Variants in SLC16A9 observed in about 807,000 individuals in gnomAD.
SLC16A9 encodes the protein solute carrier family 16 member 9.
Under a neutral mutation model 44.3 loss-of-function variants are expected in SLC16A9, and 26 were observed. That is an observed-to-expected ratio of 0.59 (90% CI 0.43 to 0.81). The LOEUF is 0.81. Among genes scored for constraint, SLC16A9 ranks in the 40% least tolerant of loss-of-function variants. The pLI is 0.00. For missense variants in SLC16A9, 559 were observed against 595.8 expected, an observed-to-expected ratio of 0.94 and a Z score of 0.64; for synonymous variants, 230 against 225.1, an observed-to-expected ratio of 1.02 and a Z score of -0.19.
Position 59,654,068 on chromosome 10 carries a change from C to A in SLC16A9, c.958G>T (p.Gly320Trp), listed in dbSNP as rs775661377. 1.2e-6 allele frequency: 2 copies of A among 1,613,906 alleles called. No individual in the cohort carries two copies. Among genetic ancestry groups the A allele is most frequent in the African/African-American group, 1.3e-5 (1 of 74,892 alleles). ...TCCATAAGTAATGAAGGTGGAAACC[C>A]TCCGATGTCAAAGAGTAAGATAGCA... The part of the protein sequence containing the change: ...FIAILLFDIG[G>W]FPPSLLMEDV... Residue 320 changes from glycine (G) to tryptophan (W), a missense_variant, in exon 5 of 6, where the codon GGG becomes TGG. Gly to Trp is a radical substitution (Grantham distance 184, BLOSUM62 -2). Transcript: ENST00000395348.
At chr10:59,653,048 G>GTA (rs1346336852) in intron 5 of SLC16A9, 98 bp from the exon 6 acceptor site, 5 of 826,042 alleles carry the variant, frequency 6.1e-6, no homozygotes, top group African/African-American at 1.8e-5. Flanking sequence ...GTTATAATTA[G>GTA]TATATATATT....
chr10:59,662,633 C>CAAAAAAAAAAAAAA (rs71006278), intron 4 of SLC16A9, among the ~76,000 whole-genome samples: 31 of 43,564 alleles, frequency 7.1e-4, no homozygotes, highest in African/African-American at 1.4e-3. Flanking sequence ...AACTCCATCT[C>CAAAAAAAAAAAAAA]AAAAAAAAAA....
rs369810207 is a variant in SLC16A9, at chr10:59,693,769, G to A, written c.-36-9442C>T. On this transcript the variant is annotated intron_variant, in intron 1 of 5. Coordinates refer to ENST00000395348, the MANE Select transcript of SLC16A9 (RefSeq NM_194298.3). ...CAAGTAGCTGGGGCTACAGGCGCCC[G>A]CCACCACACCCGGCTAATTTTTTTG... 1.5e-4 allele frequency among the ~76,000 whole-genome samples: 22 copies of A among 151,180 alleles called. No individual in the cohort carries two copies. The East Asian group carries it at 3.3e-3, about 23-fold the overall frequency.
rs920406589 is a variant in SLC16A9 at position 59,651,424 on chromosome 10, C to G, written c.*1348G>C. The G allele has an allele frequency of 1.8e-4, 28 of 152,182 alleles. 1 individual carries two copies. The East Asian group carries it at 5.4e-3, about 29-fold the overall frequency. 9.4% of individuals were successfully genotyped at this position (152,182 alleles called of 1,614,324 possible). A position where few individuals can be genotyped will look rare whatever the true frequency, so the allele number is the denominator to read the frequency against. On this transcript the variant is annotated 3_prime_UTR_variant, in exon 6 of 6. Coordinates refer to ENST00000395348, the MANE Select transcript of SLC16A9 (RefSeq NM_194298.3). ...ATTATTTAAAAGAATAAATGTTTTTCCATTGCCAATCTTATAAAAATTCTC... is the reference window on the plus strand; with the variant it reads ...ATTATTTAAAAGAATAAATGTTTTTGCATTGCCAATCTTATAAAAATTCTC...
At chr10:59,662,738 C>T (rs936850013) in intron 4 of SLC16A9, among the ~76,000 whole-genome samples, 3 of 149,356 alleles carry the variant, frequency 2.0e-5, no homozygotes, top group Non-Finnish European at 1.5e-5. Context: ...AAATGCAAAT[C>T]AAAACCACAA....
chr10:59,695,153 G>C (rs572699578), intron 1 of SLC16A9, among the ~76,000 whole-genome samples: 1 of 151,972 alleles, frequency 6.6e-6, no homozygotes, highest in Non-Finnish European at 1.5e-5. Context: ...GGGCTGGGAG[G>C]TTTTGGGGTA....
At chr10:59,696,067 C>T (rs1430679092) in intron 1 of SLC16A9, among the ~76,000 whole-genome samples, 1 of 146,926 alleles carries the variant, frequency 6.8e-6, no homozygotes, top group African/African-American at 2.4e-5. Context: ...TTTTAAAGCC[C>T]TCTCCCCTCT....
chr10:59,667,480 A>AT lies in SLC16A9; in HGVS notation c.341-3159dup, dbSNP rs1839647198. ...TTGTTTTGCTTTGGAAAACAGAGTT[A>AT]TTTTTCATAATAGATATGATATTTA... On this transcript the variant is annotated intron_variant, in intron 3 of 5. Coordinates refer to ENST00000395348, the MANE Select transcript of SLC16A9 (RefSeq NM_194298.3). 2.6e-5 allele frequency among the ~76,000 whole-genome samples: 4 copies of AT among 152,292 alleles called. No homozygotes were observed. In the South Asian group the frequency reaches 8.3e-4, roughly 32 times the overall value.
At chr10:59,653,648 G>A (rs1256758515) in intron 5 of SLC16A9, 27 bp downstream of exon 5, 3 of 1,576,466 alleles carry the variant, frequency 1.9e-6, no homozygotes, top group East Asian at 2.2e-5. Flanking sequence ...ACAGTAAAAT[G>A]GGATGATTTT....
intron 1 of SLC16A9, among the ~76,000 whole-genome samples, chr10:59,688,031 T>C (rs1436327764): frequency 6.6e-6 from 1 of 151,798 alleles, no homozygotes; most frequent in Non-Finnish European, 1.5e-5. Context: ...ACAGCTTACA[T>C]GGCAATGGAT....
chr10:59,691,242 A>T (rs1218353141), intron 1 of SLC16A9, among the ~76,000 whole-genome samples: 2 of 152,188 alleles, frequency 1.3e-5, no homozygotes, highest in Admixed American at 6.5e-5. Flanking sequence ...ATTGTACTAC[A>T]TTCTAGTAAA....
At chr10:59,697,746 AAAAT>A (rs145116462) in intron 1 of SLC16A9, among the ~76,000 whole-genome samples, 159 of 150,430 alleles carry the variant, frequency 1.1e-3, no homozygotes, top group African/African-American at 2.7e-3. Context: ...AATAAAATAA[AAAAT>A]AAATAAATAA....
chr10:59,675,405 C>G (rs1397466756), intron 2 of SLC16A9, among the ~76,000 whole-genome samples: 1 of 152,184 alleles, frequency 6.6e-6, no homozygotes, highest in Non-Finnish European at 1.5e-5. Context: ...CAGACATGAG[C>G]AGGGCAGGAG....
At chr10:59,662,524 A>T (rs1839500653) in intron 4 of SLC16A9, among the ~76,000 whole-genome samples, 1 of 150,470 alleles carries the variant, frequency 6.6e-6, no homozygotes, top group African/African-American at 2.4e-5. Flanking sequence ...AATCCCAGCT[A>T]CTCAGGAAGC....
At chr10:59,670,312 G>A (rs1839716608) in intron 3 of SLC16A9, among the ~76,000 whole-genome samples, 1 of 152,156 alleles carries the variant, frequency 6.6e-6, no homozygotes, top group Non-Finnish European at 1.5e-5. Flanking sequence ...AGCTCAGAGA[G>A]GCTGAATAAT....
At chr10:59,697,595 C>G (rs999866190) in intron 1 of SLC16A9, among the ~76,000 whole-genome samples, 1 of 149,182 alleles carries the variant, frequency 6.7e-6, no homozygotes, top group African/African-American at 2.4e-5. Context: ...ACAAACACTG[C>G]GGAAGGCCGC....
chr10:59,668,000 T>C (rs550962363), intron 3 of SLC16A9, among the ~76,000 whole-genome samples: 1 of 152,210 alleles, frequency 6.6e-6, no homozygotes, highest in Non-Finnish European at 1.5e-5. Context: ...TCAAGCTCTT[T>C]ATCACACCCA....
intron 4 of SLC16A9, among the ~76,000 whole-genome samples, chr10:59,657,904 C>G (rs1168586248): frequency 6.6e-6 from 1 of 152,084 alleles, no homozygotes; most frequent in African/African-American, 2.4e-5. Context: ...TAGTTCAGGC[C>G]GTGATAAGGT....
In SLC16A9 at chr10:59,686,568, G is replaced by A. The variant is rs371714699; in HGVS notation, c.-36-2241C>T. 3.9e-4 allele frequency among the ~76,000 whole-genome samples: 60 copies of A among 151,978 alleles called. 1 individual carries two copies. The highest frequency in any genetic ancestry group is 1.4e-3 in the African/African-American group (60 of 41,464). Reference sequence around the variant, plus strand: ...TCCTCGCTGCTAATATTGTAATTGGGGTCATTTATTTGTCTTCTGTTTGTA... The same window carrying A: ...TCCTCGCTGCTAATATTGTAATTGGAGTCATTTATTTGTCTTCTGTTTGTA... On this transcript the variant is annotated intron_variant, in intron 1 of 5. Transcript: ENST00000395348.
Sources: allele counts gnomAD v4.1 joint callset (sites outside exome capture counted in the v4.1 genomes callset), GRCh38; gene constraint gnomAD v4.1.1; transcripts MANE v1.5; gene names NCBI Gene and HGNC (gene_info 2026-07-23, HGNC 2026-07-21).